NCKIPSD: variants seen among roughly 807,000 people sequenced by gnomAD.
NCKIPSD encodes the protein NCK interacting protein with SH3 domain, also known as NCK-interacting protein with SH3 domain.
A neutral mutation model predicts 73.4 loss-of-function variants in NCKIPSD; 48 were observed. The ratio of observed to expected loss-of-function variants is 0.65; its 90% confidence interval spans 0.52 to 0.83. The LOEUF is 0.83. Among genes scored for constraint, NCKIPSD ranks in the 40% least tolerant of loss-of-function variants. The probability of loss-of-function intolerance (pLI) is 0.00; values close to 1 mark genes in which losing one functional copy is unlikely to be tolerated. For synonymous variants in NCKIPSD, 422 were observed against 403.6 expected (o/e 1.05, Z -0.54); for missense variants, 884 against 970.2 (o/e 0.91, Z 1.18).
Position 48,682,333 on chromosome 3 carries a change from G to A in NCKIPSD, c.486+15C>T. On this transcript the variant is annotated intron_variant, in intron 3 of 12. Transcript: ENST00000294129. ...TCCACCCACCTCCCTTCTCCACGAT[G>A]TCCTCCCCACACACCTGGTAGAGGC... is the stretch of plus-strand genomic sequence containing the variant. 6.2e-7 allele frequency: 1 copy of A among 1,612,928 alleles called. No homozygotes were observed. Among genetic ancestry groups the A allele is most frequent in the Non-Finnish European group, 8.5e-7 (1 of 1,179,140 alleles).
At position 48,683,019 on chromosome 3, in the gene NCKIPSD, G is replaced by A. The variant is rs960039507; in HGVS notation, c.172-7C>T. On this transcript the variant is annotated splice_polypyrimidine_tract_variant and splice_region_variant and intron_variant, in intron 1 of 12. Coordinates refer to ENST00000294129, the MANE Select transcript of NCKIPSD (RefSeq NM_016453.4). ...GGACATCCTGCTCCAGGCCCTGGGG[G>A]GGGCAGGGGACAGCAGTTAGACCTG... 6.5e-6 allele frequency: 10 copies of A among 1,549,652 alleles called. No homozygotes were observed. Among genetic ancestry groups the A allele is most frequent in the Admixed American group, 2.0e-5 (1 of 51,004 alleles).
intron 1 of NCKIPSD, among the ~76,000 whole-genome samples, chr3:48,683,979 G>GACAC (rs545029045): frequency 0.074 from 9,657 of 130,962 alleles, 400 homozygotes; most frequent in African/African-American, 0.11. Context: ...AAGACATGAA[G>GACAC]ACACACACAC....
In NCKIPSD at chr3:48,681,651, G is replaced by GT; in HGVS notation, c.727_728insA (p.Pro243HisfsTer27). ...GGTGCCTCGGCGGGGCACAGGTGGG[G>GT]GTGTGGGTGAGCAGCTGGAGCCTGG... On this transcript the variant is annotated frameshift_variant, in exon 5 of 13. Coordinates refer to ENST00000294129, the MANE Select transcript of NCKIPSD (RefSeq NM_016453.4). LOFTEE classifies it high-confidence loss of function. 6.2e-7 allele frequency: 1 copy of GT among 1,611,414 alleles called. No individual in the cohort carries two copies. Among genetic ancestry groups the GT allele is most frequent in the South Asian group, 1.1e-5 (1 of 90,762 alleles).
chr3:48,679,576 C>A lies in NCKIPSD; in HGVS notation c.1488G>T (p.Gln496His). The A allele has an allele frequency of 6.2e-7, 1 of 1,614,074 alleles. No homozygotes were observed. Among genetic ancestry groups the A allele is most frequent in the South Asian group, 1.1e-5 (1 of 91,086 alleles). The change falls in exon 8 of 13, where the codon CAG becomes CAT. Residue 496 changes from glutamine (Q) to histidine (H), a missense_variant and splice_region_variant. Transcript: ENST00000294129. ...ELARDMQTDT[Q>H]DHQKLCYSAL... ...TCCTACCCCGCCCTCCAGCCTCACC[C>A]TGCGTGTCTGTCTGCATGTCCCTCG...
At chr3:48,677,182 A>G (rs1002079021) in intron 12 of NCKIPSD, among the ~76,000 whole-genome samples, 1 of 151,092 alleles carries the variant, frequency 6.6e-6, no homozygotes, top group Non-Finnish European at 1.5e-5. Context: ...TGAGGTCAGG[A>G]GTTCAAGACC....
chr3:48,679,000 C>T, intron 10 of NCKIPSD, 31 bp from the exon 11 acceptor site: 1 of 1,614,126 alleles, frequency 6.2e-7, no homozygotes, highest in South Asian at 1.1e-5. Flanking sequence ...AGACAGGGTG[C>T]TGAGCCTGAG....
chr3:48,676,901 G>A (rs1575561227), intron 12 of NCKIPSD, among the ~76,000 whole-genome samples: 1 of 151,928 alleles, frequency 6.6e-6, no homozygotes, highest in Non-Finnish European at 1.5e-5. Context: ...CTCCCAAGTA[G>A]GTGGGATTAC....
chr3:48,681,261 G>A, intron 5 of NCKIPSD, 26 bp downstream of exon 5: 2 of 1,549,848 alleles, frequency 1.3e-6, no homozygotes, highest in South Asian at 2.5e-5. Context: ...GTAGCAGGGT[G>A]GCCCTGCTGT....
Position 48,682,567 on chromosome 3 carries a change from G to C in NCKIPSD, c.282-15C>G, listed in dbSNP as rs752822389. 1.2e-6 allele frequency: 2 copies of C among 1,613,494 alleles called. No homozygotes were observed. The highest frequency in any genetic ancestry group is 8.5e-7 in the Non-Finnish European group (1 of 1,179,652). ...GGATCAGCTTCCTGATGGAAGGACAGGAAGACTATTGGGGGGTTGCATCTC... is the reference window on the plus strand; with the variant it reads ...GGATCAGCTTCCTGATGGAAGGACACGAAGACTATTGGGGGGTTGCATCTC... On this transcript the variant is annotated splice_polypyrimidine_tract_variant and intron_variant, in intron 2 of 12. Coordinates refer to ENST00000294129, the MANE Select transcript of NCKIPSD (RefSeq NM_016453.4).
chr3:48,674,450 C>G lies in NCKIPSD; in HGVS notation c.*94G>C. On this transcript the variant is annotated 3_prime_UTR_variant, in exon 13 of 13. Coordinates refer to ENST00000294129, the MANE Select transcript of NCKIPSD (RefSeq NM_016453.4). Reference sequence around the variant, plus strand: ...CTCAGGTTCCTTCTGCCACCTTATCCCCTCCCACTGTCAGTGCAAAACATT... The same window carrying G: ...CTCAGGTTCCTTCTGCCACCTTATCGCCTCCCACTGTCAGTGCAAAACATT... The G allele has an allele frequency of 6.7e-7, 1 of 1,497,380 alleles. No homozygotes were observed. Among genetic ancestry groups the G allele is most frequent in the Non-Finnish European group, 8.9e-7 (1 of 1,122,092 alleles). 92.8% of individuals were successfully genotyped at this position (1,497,380 alleles called of 1,614,324 possible). A position where few individuals can be genotyped will look rare whatever the true frequency, so the allele number is the denominator to read the frequency against.
At chr3:48,684,629 G>T (rs777117829) in intron 1 of NCKIPSD, among the ~76,000 whole-genome samples, 6 of 152,244 alleles carry the variant, frequency 3.9e-5, no homozygotes, top group Admixed American at 2.0e-4. Flanking sequence ...CGGGGCGGGG[G>T]TGTCTGGCAC....
At chr3:48,674,776 C>T in intron 12 of NCKIPSD, 29 bp from the exon 13 acceptor site, 1 of 1,609,428 alleles carries the variant, frequency 6.2e-7, no homozygotes, top group Non-Finnish European at 8.5e-7. Flanking sequence ...AGCTCAGGGA[C>T]CCCAGGGAGG....
In NCKIPSD at chr3:48,682,547, A is replaced by G. The variant is rs773787195; in HGVS notation, c.287T>C (p.Leu96Pro). Reference sequence around the variant, plus strand: ...CAGGGTCTCTTTCCGGTGGTGGATCAGCTTCCTGATGGAAGGACAGGAAGA... The same window carrying G: ...CAGGGTCTCTTTCCGGTGGTGGATCGGCTTCCTGATGGAAGGACAGGAAGA... Reference protein sequence around the residue: ...SLEQRGVLQKLIHHRKETLSR... With the variant: ...SLEQRGVLQKPIHHRKETLSR... Residue 96 changes from leucine (L) to proline (P), a missense_variant, in exon 3 of 13, where the codon CTG (leucine) becomes CCG (proline). Leu to Pro is a moderately conservative substitution (Grantham distance 98). Coordinates refer to ENST00000294129, the MANE Select transcript of NCKIPSD (RefSeq NM_016453.4). 1.2e-6 allele frequency: 2 copies of G among 1,613,918 alleles called. No individual in the cohort carries two copies. Among genetic ancestry groups the G allele is most frequent in the Non-Finnish European group, 1.7e-6 (2 of 1,179,872 alleles).
chr3:48,679,249 C>G (rs1185494680), intron 9 of NCKIPSD, 66 bp from the exon 10 acceptor site: 10 of 1,601,420 alleles, frequency 6.2e-6, no homozygotes, highest in African/African-American at 1.3e-5. Context: ...ACCCACCCTT[C>G]CTGGCTTTCT....
At position 48,680,227 on chromosome 3, in the gene NCKIPSD, G is replaced by A; in HGVS notation, c.1095C>T (p.Asp365=). 2 of 1,605,718 alleles carry A rather than the reference G, an allele frequency of 1.2e-6. No individual in the cohort carries two copies. The highest frequency in any genetic ancestry group is 1.3e-5 in the African/African-American group (1 of 74,846). ...GCCCTGAGGGCAGGGCCATGCTGAG[G>A]TCCTAGAGGGAGAGGGCAAGGCATG... ...QVLLSLVEGK[D]LSMALPSGQV... The change falls in exon 6 of 13, where the codon GAC becomes GAT. Residue 365 remains aspartate (D), a splice_region_variant and synonymous_variant. Transcript: ENST00000294129.
chr3:48,685,592 C>T, intron 1 of NCKIPSD, 45 bp downstream of exon 1: 2 of 1,493,902 alleles, frequency 1.3e-6, no homozygotes, highest in Non-Finnish European at 1.8e-6. Context: ...GTGAAGGGGT[C>T]CTGCCCCAGG....
Position 48,682,061 on chromosome 3 carries a change from C to G in NCKIPSD, c.582G>C (p.Leu194=), listed in dbSNP as rs752629204. 2 of 1,601,350 alleles carry G rather than the reference C, an allele frequency of 1.2e-6. No homozygotes were observed. Among genetic ancestry groups the G allele is most frequent in the Non-Finnish European group, 1.7e-6 (2 of 1,179,860 alleles). Residue 194 remains leucine, a synonymous_variant, in exon 4 of 13, where the codon CTG becomes CTC. Coordinates refer to ENST00000294129, the MANE Select transcript of NCKIPSD (RefSeq NM_016453.4). ...PPVKRRDREA[L]MASGSGGHNT... ...CCTTCTTACCACTCCCAGAGGCCAT[C>G]AGGGCCTCGCGGTCTCGGCGCTTCA... is the stretch of plus-strand genomic sequence containing the variant.
At position 48,681,025 on chromosome 3, in the gene NCKIPSD, C is replaced by T. The variant is rs569899574; in HGVS notation, c.1092+262G>A. Among the ~76,000 whole-genome samples the T allele has an allele frequency of 4.9e-4, 75 of 152,340 alleles. 1 individual carries two copies. The South Asian group carries it at 0.014, about 29-fold the overall frequency. ...CACCCACTCCCTCACTCCCTGTGTT[C>T]CAGTCCTGCAGGCCTTGTTCCACTT... On this transcript the variant is annotated intron_variant, in intron 5 of 12. Coordinates refer to ENST00000294129, the MANE Select transcript of NCKIPSD (RefSeq NM_016453.4).
intron 12 of NCKIPSD, among the ~76,000 whole-genome samples, chr3:48,676,967 A>C (rs901457604): frequency 2.0e-5 from 3 of 150,588 alleles, no homozygotes; most frequent in Admixed American, 2.0e-4. Context: ...TTGTATTTTT[A>C]GTAGAGACCA....
Sources: allele counts gnomAD v4.1 joint callset (sites outside exome capture counted in the v4.1 genomes callset), GRCh38; gene constraint gnomAD v4.1.1; transcripts MANE v1.5; gene names NCBI Gene and HGNC (gene_info 2026-07-23, HGNC 2026-07-21).